The following STRN variants were observed in gnomAD, a reference collection of about 807,000 sequenced individuals.
STRN encodes striatin.
STRN carries 53 observed loss-of-function variants against 96.3 expected under a neutral mutation model. The observed-to-expected ratio is 0.55, with a 90% CI of 0.44 to 0.69. The LOEUF is 0.69. STRN is among the 30% of genes least tolerant of loss of function. The probability of loss-of-function intolerance (pLI) is 0.00; values close to 1 mark genes in which losing one functional copy is unlikely to be tolerated. For missense variants in STRN, 987 were observed against 963.9 expected, an observed-to-expected ratio of 1.02 and a Z score of -0.32; for synonymous variants, 428 against 355.9, an observed-to-expected ratio of 1.20 and a Z score of -2.28.
Position 36,902,736 on chromosome 2 carries a change from C to T in STRN, c.507G>A (p.Val169=). 1 of 1,607,830 alleles carries T rather than the reference C, an allele frequency of 6.2e-7. No individual in the cohort carries two copies. Among genetic ancestry groups the T allele is most frequent in the Non-Finnish European group, 8.5e-7 (1 of 1,176,026 alleles). ...CATCTAGAATAGTATCTGTATAACC[C>T]ACCTCCTGTAGATACCTGTGTGAAG... is the stretch of plus-strand genomic sequence containing the variant. ...RQLLRQYLQE[V]GYTDTILDVK... The change falls in exon 5 of 18, where the codon GTG becomes GTA. Residue 169 remains valine (V), a synonymous_variant. Transcript: ENST00000263918.
chr2:36,861,970 T>A (rs1254838796), intron 12 of STRN, among the ~76,000 whole-genome samples: 1 of 152,146 alleles, frequency 6.6e-6, no homozygotes, highest in African/African-American at 2.4e-5. Context: ...GTTCCCTTCT[T>A]CTGTCCATGT....
At chr2:36,893,741 TAC>T (rs963964564) in intron 7 of STRN, among the ~76,000 whole-genome samples, 155 bp downstream of exon 7, 1 of 152,100 alleles carries the variant, frequency 6.6e-6, no homozygotes, top group Non-Finnish European at 1.5e-5. Flanking sequence ...TCCTTAAACA[TAC>T]ACACACATTC....
At chr2:36,906,463 C>CAATG (rs77063437) in intron 3 of STRN, among the ~76,000 whole-genome samples, 1,941 of 149,862 alleles carry the variant, frequency 0.013, 18 homozygotes, top group African/African-American at 0.021. Context: ...TGTCTCAAAA[C>CAATG]AATGAATGAA....
chr2:36,946,506 G>C (rs150338821), intron 1 of STRN, among the ~76,000 whole-genome samples: 543 of 152,284 alleles, frequency 3.6e-3, no homozygotes, highest in Non-Finnish European at 6.1e-3. Context: ...GAGAAGACTT[G>C]AAATGTAAAC....
rs1400766962 is a variant in STRN, at chr2:36,842,389, C to T, written c.*7067G>A. 6.6e-6 allele frequency: 1 copy of T among 152,132 alleles called. No individual in the cohort carries two copies. The highest frequency in any genetic ancestry group is 1.9e-4 in the East Asian group (1 of 5,192). 9.4% of individuals were successfully genotyped at this position (152,132 alleles called of 1,614,324 possible). A position where few individuals can be genotyped will look rare whatever the true frequency, so the allele number is the denominator to read the frequency against. The stretch of plus-strand genomic sequence containing the variant: ...CACATAAATTAATAACACTATAGTA[C>T]TCCAAGTGCTGTTTAACAGATGTTT... On this transcript the variant is annotated 3_prime_UTR_variant, in exon 18 of 18. Coordinates refer to ENST00000263918, the MANE Select transcript of STRN (RefSeq NM_003162.4).
chr2:36,940,342 C>T (rs1193362542), intron 1 of STRN, among the ~76,000 whole-genome samples: 2 of 152,010 alleles, frequency 1.3e-5, no homozygotes, highest in African/African-American at 2.4e-5. Flanking sequence ...AAACAAATGG[C>T]AGGAGGTTGA....
At chr2:36,885,887 G>A (rs1378965657) in intron 8 of STRN, among the ~76,000 whole-genome samples, 1 of 151,978 alleles carries the variant, frequency 6.6e-6, no homozygotes, top group African/African-American at 2.4e-5. Context: ...TAAAAGGGAG[G>A]CCCATATTGT....
rs193053619 is a variant in STRN, at chr2:36,838,241, T to G, written c.*11215A>C. ...TAAAGGATCAGATTTGACAGTCAGCTAGGAGACAGGGACCTCCATCCTCTG... is the reference window on the plus strand; with the variant it reads ...TAAAGGATCAGATTTGACAGTCAGCGAGGAGACAGGGACCTCCATCCTCTG... On this transcript the variant is annotated 3_prime_UTR_variant, in exon 18 of 18. Coordinates refer to ENST00000263918, the MANE Select transcript of STRN (RefSeq NM_003162.4). 6.6e-6 allele frequency among the ~76,000 whole-genome samples: 1 copy of G among 152,356 alleles called. No individual in the cohort carries two copies. Among genetic ancestry groups the G allele is most frequent in the East Asian group, 1.9e-4 (1 of 5,192 alleles).
At chr2:36,918,256 G>A (rs1367830102) in intron 2 of STRN, among the ~76,000 whole-genome samples, 1 of 152,012 alleles carries the variant, frequency 6.6e-6, no homozygotes. Context: ...CATCTGACTT[G>A]CAGTTACTAG....
intron 4 of STRN, among the ~76,000 whole-genome samples, chr2:36,904,554 T>C (rs554595560): frequency 6.8e-4 from 104 of 152,270 alleles, no homozygotes; most frequent in African/African-American, 2.1e-3. Flanking sequence ...TGACCGGGCA[T>C]GGTGGCTCAC....
At chr2:36,935,407 T>C (rs1041678925) in intron 1 of STRN, among the ~76,000 whole-genome samples, 1 of 152,224 alleles carries the variant, frequency 6.6e-6, no homozygotes, top group African/African-American at 2.4e-5. Flanking sequence ...AATAAGGACT[T>C]TGGCATACTT....
At chr2:36,881,118 CTTTTTTTTT>C (rs3081783) in intron 9 of STRN, among the ~76,000 whole-genome samples, 30 of 78,996 alleles carry the variant, frequency 3.8e-4, no homozygotes, top group Non-Finnish European at 3.3e-4. Flanking sequence ...ACACTGCCTT[CTTTTTTTTT>C]TTTTTTTTTT....
intron 10 of STRN, among the ~76,000 whole-genome samples, chr2:36,874,767 G>T (rs117846865): frequency 7.6e-6 from 1 of 131,556 alleles, no homozygotes; most frequent in African/African-American, 2.9e-5. Context: ...AATTCAATAC[G>T]CAATAACAGT....
At chr2:36,951,358 T>C (rs577752876) in intron 1 of STRN, among the ~76,000 whole-genome samples, 1 of 152,338 alleles carries the variant, frequency 6.6e-6, no homozygotes, top group East Asian at 1.9e-4. Flanking sequence ...AATGATTTGG[T>C]ATGGCCCAGG....
chr2:36,935,192 C>G (rs1229998705), intron 1 of STRN, among the ~76,000 whole-genome samples: 2 of 152,210 alleles, frequency 1.3e-5, no homozygotes, highest in African/African-American at 2.4e-5. Context: ...ATGCCCTTCT[C>G]TCTCCTACCT....
chr2:36,873,535 G>A (rs184558177), intron 10 of STRN, among the ~76,000 whole-genome samples: 155 of 152,170 alleles, frequency 1.0e-3, no homozygotes, highest in Non-Finnish European at 1.7e-3. Context: ...ACACCAGCCT[G>A]GGTAAGACAG....
intron 1 of STRN, among the ~76,000 whole-genome samples, chr2:36,949,288 G>A (rs561598013): frequency 3.4e-4 from 52 of 152,282 alleles, no homozygotes; most frequent in African/African-American, 1.2e-3. Flanking sequence ...AAATTGTCTC[G>A]TTAGGTATTT....
chr2:36,901,323 C>T (rs1328167816), intron 5 of STRN, among the ~76,000 whole-genome samples: 5 of 152,012 alleles, frequency 3.3e-5, no homozygotes, highest in East Asian at 1.9e-4. Flanking sequence ...GAGGCCAAGG[C>T]GGGTGGATCA....
In STRN at chr2:36,902,763, G is replaced by A; in HGVS notation, c.492-12C>T. ...CCTCCTGTAGATACCTGTGTGAAGA[G>A]AATCCTTAGAGTTCAGTCATACTGG... On this transcript the variant is annotated splice_polypyrimidine_tract_variant and intron_variant, in intron 4 of 17. Transcript: ENST00000263918. 6.3e-7 allele frequency: 1 copy of A among 1,583,196 alleles called. No individual in the cohort carries two copies. Among genetic ancestry groups the A allele is most frequent in the Non-Finnish European group, 8.6e-7 (1 of 1,163,146 alleles).
Sources: allele counts gnomAD v4.1 joint callset (sites outside exome capture counted in the v4.1 genomes callset), GRCh38; gene constraint gnomAD v4.1.1; transcripts MANE v1.5; gene names NCBI Gene and HGNC (gene_info 2026-07-23, HGNC 2026-07-21).